AGO3: variants seen among roughly 807,000 people sequenced by gnomAD.
AGO3 encodes argonaute RISC catalytic component 3.
AGO3 carries 16 observed loss-of-function variants against 105.5 expected under a neutral mutation model. That is an observed-to-expected ratio of 0.15 (90% CI 0.10 to 0.23). The LOEUF is 0.23. Among genes scored for constraint, AGO3 ranks in the 10% least tolerant of loss-of-function variants. The pLI is 1.00. For missense variants in AGO3, 534 were observed against 1,088.0 expected, an observed-to-expected ratio of 0.49 and a Z score of 7.16; for synonymous variants, 340 against 367.3, an observed-to-expected ratio of 0.93 and a Z score of 0.85.
At chr1:35,994,042 A>ATTTTTTTTTTTT (rs759085356) in intron 5 of AGO3, among the ~76,000 whole-genome samples, 1 of 65,840 alleles carries the variant, frequency 1.5e-5, no homozygotes, top group African/African-American at 7.1e-5. Context: ...CTGCGCCCAG[A>ATTTTTTTTTTTT]TTTTTTTTTT....
rs974998944 is a variant in AGO3 at position 35,955,278 on chromosome 1, G to T, written c.191+9415G>T. On this transcript the variant is annotated intron_variant, in intron 2 of 18. Coordinates refer to ENST00000373191, the MANE Select transcript of AGO3 (RefSeq NM_024852.4). ...TTGGAAGGCTGTTGTAGTAGTCTAG[G>T]TTAGCGGTCTTCAAACCATTGATCA... is the stretch of plus-strand genomic sequence containing the variant. Among the ~76,000 whole-genome samples the T allele has an allele frequency of 2.0e-5, 3 of 152,290 alleles. No homozygotes were observed. In the South Asian group the frequency reaches 6.2e-4, roughly 32 times the overall value.
intron 1 of AGO3, among the ~76,000 whole-genome samples, chr1:35,931,790 C>G (rs766583635): frequency 6.6e-6 from 1 of 152,206 alleles, no homozygotes; most frequent in South Asian, 2.1e-4. Flanking sequence ...TTGTGTGTTC[C>G]GTAGAGGCTG....
In AGO3 at chr1:36,046,623, T is replaced by TAAAAAAAAAAAAAA. The variant is rs3073806; in HGVS notation, c.2274+3094_2274+3107dup. On this transcript the variant is annotated intron_variant, in intron 17 of 18. Transcript: ENST00000373191. ...AACAGAGTGAGACTCAGTCTCTATT[T>TAAAAAAAAAAAAAA]AAAAAAAAAAAAAAAAAAAAAAAAA... 2.0e-4 allele frequency among the ~76,000 whole-genome samples: 7 copies of TAAAAAAAAAAAAAA among 34,468 alleles called. 1 individual carries two copies. The highest frequency in any genetic ancestry group is 5.1e-4 in the African/African-American group (5 of 9,758). The allele number at this position is 34,468 out of a possible 152,430, so 22.6% of individuals were successfully genotyped here.
rs905214539 is a variant in AGO3, at chr1:36,058,906, G to T, written c.*3161G>T. The T allele has an allele frequency of 9.2e-5, 14 of 152,204 alleles. No individual in the cohort carries two copies. The highest frequency in any genetic ancestry group is 2.6e-4 in the African/African-American group (11 of 41,544). The allele number at this position is 152,204 out of a possible 1,614,324, so 9.4% of individuals were successfully genotyped here. A position where few individuals can be genotyped will look rare whatever the true frequency, so the allele number is the denominator to read the frequency against. On this transcript the variant is annotated 3_prime_UTR_variant, in exon 19 of 19. Coordinates refer to ENST00000373191, the MANE Select transcript of AGO3 (RefSeq NM_024852.4). ...GAGAAGAAAATAGTATACCCAAGAT[G>T]ATAAAAATTTAATTCGTCTATGCTT...
At chr1:36,052,291 T>C (rs1642746905) in intron 17 of AGO3, among the ~76,000 whole-genome samples, 1 of 152,188 alleles carries the variant, frequency 6.6e-6, no homozygotes, top group Admixed American at 6.5e-5. Flanking sequence ...GACATTATGT[T>C]ACATGAAATA....
chr1:36,048,986 C>T (rs968809584), intron 17 of AGO3, among the ~76,000 whole-genome samples: 1 of 152,176 alleles, frequency 6.6e-6, no homozygotes, highest in East Asian at 1.9e-4. Context: ...GGATTACTGG[C>T]GTGAGCCACC....
rs999653786 is a variant in AGO3, at chr1:36,061,388, A to G, written c.*5643A>G. On this transcript the variant is annotated 3_prime_UTR_variant, in exon 19 of 19. Coordinates refer to ENST00000373191, the MANE Select transcript of AGO3 (RefSeq NM_024852.4). ...TTACCTACTACTCATTGAAATTTAT[A>G]TTACTTTACCCATCAAAACTAGTAC... 1 of 152,224 alleles carries G rather than the reference A, an allele frequency of 6.6e-6. No homozygotes were observed. Among genetic ancestry groups the G allele is most frequent in the Non-Finnish European group, 1.5e-5 (1 of 68,034 alleles). 9.4% of individuals were successfully genotyped at this position (152,224 alleles called of 1,614,324 possible).
At chr1:35,986,980 A>C (rs1647207763) in intron 5 of AGO3, among the ~76,000 whole-genome samples, 1 of 150,414 alleles carries the variant, frequency 6.6e-6, no homozygotes, top group Non-Finnish European at 1.5e-5. Context: ...TGGGCGACAG[A>C]GTAAGACTCC....
intron 16 of AGO3, among the ~76,000 whole-genome samples, chr1:36,042,897 G>T (rs1047655038): frequency 4.6e-5 from 7 of 152,230 alleles, no homozygotes; most frequent in Admixed American, 2.0e-4. Flanking sequence ...AAATTATTTT[G>T]TATTCCTGAG....
At position 36,009,093 on chromosome 1, in the gene AGO3, T is replaced by TTTTTTTTTTTTTTTTTTTTTTGA. The variant is rs768289986; in HGVS notation, c.1029+49_1029+50insTTTTTTTTTTTTTTTTTTTTTGA. ...AATACCCTGTTGTTCATGATTCTTT[T>TTTTTTTTTTTTTTTTTTTTTTGA]GGGGTCTTTTATGGCCGATAACTTA... is the stretch of plus-strand genomic sequence containing the variant. On this transcript the variant is annotated intron_variant, in intron 8 of 18. Transcript: ENST00000373191. 1.1e-5 allele frequency: 16 copies of TTTTTTTTTTTTTTTTTTTTTTGA among 1,475,568 alleles called. No homozygotes were observed. In the East Asian group the frequency reaches 1.2e-4, roughly 11 times the overall value. 91.4% of individuals were successfully genotyped at this position (1,475,568 alleles called of 1,614,324 possible).
At chr1:36,019,380 C>G (rs1641091784) in intron 11 of AGO3, among the ~76,000 whole-genome samples, 1 of 152,138 alleles carries the variant, frequency 6.6e-6, no homozygotes, top group African/African-American at 2.4e-5. Context: ...CAAGGCAATC[C>G]AGATTATTCA....
At chr1:35,990,801 T>A (rs796134115) in intron 5 of AGO3, among the ~76,000 whole-genome samples, 1 of 152,200 alleles carries the variant, frequency 6.6e-6, no homozygotes, top group Admixed American at 6.5e-5. Context: ...AGGTATAAGA[T>A]TGCTAAGATT....
intron 5 of AGO3, among the ~76,000 whole-genome samples, chr1:35,995,817 A>T (rs1409593628): frequency 1.3e-5 from 2 of 152,046 alleles, no homozygotes; most frequent in Non-Finnish European, 2.9e-5. Flanking sequence ...AGCTGGGACC[A>T]CAGGTGCATG....
chr1:35,965,196 A>G (rs1646749783), intron 2 of AGO3, among the ~76,000 whole-genome samples: 1 of 152,062 alleles, frequency 6.6e-6, no homozygotes, highest in Non-Finnish European at 1.5e-5. Flanking sequence ...ATTTCACCTA[A>G]GAAACCAGAT....
chr1:35,941,958 A>G (rs1041870800), intron 1 of AGO3, among the ~76,000 whole-genome samples: 1 of 152,256 alleles, frequency 6.6e-6, no homozygotes, highest in Non-Finnish European at 1.5e-5. Context: ...CAAGTTTCAT[A>G]AGAAAGAGGC....
At position 36,019,760 on chromosome 1, in the gene AGO3, G is replaced by GTGTT. The variant is rs375343888; in HGVS notation, c.1406+5734_1406+5737dup. Among the ~76,000 whole-genome samples the GTGTT allele has an allele frequency of 7.2e-4, 109 of 152,090 alleles. 1 individual carries two copies. The highest frequency in any genetic ancestry group is 5.6e-3 in the South Asian group (27 of 4,816). ...GTCACAACACCAATATATATGTAAG[G>GTGTT]TGTTTGTTTGTTTGTTTGTTTGTTT... On this transcript the variant is annotated intron_variant, in intron 11 of 18. Transcript: ENST00000373191.
chr1:36,009,924 C>A (rs1024058185), intron 9 of AGO3, among the ~76,000 whole-genome samples: 3 of 140,624 alleles, frequency 2.1e-5, no homozygotes, highest in Non-Finnish European at 4.5e-5. Flanking sequence ...ACTAGCAATA[C>A]TAAAATTCTT....
rs1643030517 is a variant in AGO3 at position 36,061,820 on chromosome 1, G to A, written c.*6075G>A. The A allele has an allele frequency of 1.3e-5, 2 of 152,160 alleles. No homozygotes were observed. Among genetic ancestry groups the A allele is most frequent in the South Asian group, 2.1e-4 (1 of 4,830 alleles). The allele number at this position is 152,160 out of a possible 1,614,324, so 9.4% of individuals were successfully genotyped here. ...ATTTTTATTTTTCAAGTAGCACGAA[G>A]CTAAGAATTTTAAAGATAAATTATT... is the stretch of plus-strand genomic sequence containing the variant. On this transcript the variant is annotated 3_prime_UTR_variant, in exon 19 of 19. Transcript: ENST00000373191.
intron 1 of AGO3, among the ~76,000 whole-genome samples, chr1:35,937,733 T>G (rs1646177024): frequency 6.6e-6 from 1 of 152,272 alleles, no homozygotes; most frequent in South Asian, 2.1e-4. Context: ...CTGATAAGCT[T>G]AACCCTCAAC....
Sources: allele counts gnomAD v4.1 joint callset (sites outside exome capture counted in the v4.1 genomes callset), GRCh38; gene constraint gnomAD v4.1.1; transcripts MANE v1.5; gene names NCBI Gene and HGNC (gene_info 2026-07-23, HGNC 2026-07-21).